The following CACNA1S variants were observed in gnomAD, a reference collection of about 807,000 sequenced individuals.
The protein encoded by CACNA1S is voltage-dependent L-type calcium channel subunit alpha-1S.
CACNA1S carries 126 observed loss-of-function variants against 207.4 expected under a neutral mutation model. The ratio of observed to expected loss-of-function variants is 0.61; its 90% CI spans 0.53 to 0.70. The LOEUF is 0.70. Among genes scored for constraint, CACNA1S ranks in the 30% least tolerant of loss-of-function variants. The pLI is 0.00. For synonymous variants in CACNA1S, 960 were observed against 932.7 expected, an observed-to-expected ratio of 1.03 and a Z score of -0.53; for missense variants, 2,349 against 2,422.8, an observed-to-expected ratio of 0.97 and a Z score of 0.64.
At chr1:201,074,434 C>G (rs1661533214) in intron 14 of CACNA1S, 72 bp downstream of exon 14, 2 of 910,532 alleles carry the variant, frequency 2.2e-6, no homozygotes, top group Non-Finnish European at 3.6e-6. Context: ...TACAGGGAGG[C>G]CCTGTCCAGA....
chr1:201,085,003 A>C lies in CACNA1S; in HGVS notation c.1179T>G (p.Ser393=). Residue 393 remains serine (S), a synonymous_variant, in exon 9 of 44, where the codon TCT becomes TCG. Transcript: ENST00000362061. ...EGKLSLDEGG[S]DTESLYEIAG... ...CAATTTCATACAGGCTCTCTGTGTC[A>C]GAGCCACCTTCATCCAAAGACAGTT... The C allele has an allele frequency of 6.2e-7, 1 of 1,612,454 alleles. No individual in the cohort carries two copies. Among genetic ancestry groups the C allele is most frequent in the South Asian group, 1.1e-5 (1 of 91,064 alleles).
chr1:201,090,035 T>C (rs550339983), intron 5 of CACNA1S, among the ~76,000 whole-genome samples: 3 of 152,376 alleles, frequency 2.0e-5, no homozygotes, highest in Admixed American at 1.3e-4. Flanking sequence ...TCTGATGACA[T>C]CCTGCATCTC....
rs1309387978 is a variant in CACNA1S, at chr1:201,078,001, G to A, written c.1497C>T (p.Phe499=). ...TACCGCTACACACCACGAAGCAGTCGAAGCGGTTGAAGATAGACATGAAGT... is the reference window on the plus strand; with the variant it reads ...TACCGCTACACACCACGAAGCAGTCAAAGCGGTTGAAGATAGACATGAAGT... The part of the protein sequence containing the change: ...RQYFMSIFNR[F]DCFVVCSGIL... The change falls in exon 11 of 44, where the codon TTC becomes TTT. Residue 499 remains phenylalanine (F), a synonymous_variant. Coordinates refer to ENST00000362061, the MANE Select transcript of CACNA1S (RefSeq NM_000069.3). The A allele has an allele frequency of 1.3e-5, 21 of 1,614,030 alleles. No homozygotes were observed. The highest frequency in any genetic ancestry group is 3.3e-5 in the Admixed American group (2 of 60,010).
At chr1:201,092,598 A>C (rs1662278071) in intron 3 of CACNA1S, among the ~76,000 whole-genome samples, 1 of 152,098 alleles carries the variant, frequency 6.6e-6, no homozygotes, top group South Asian at 2.1e-4. Flanking sequence ...TCAAATTTCC[A>C]TTATCCTTTG....
intron 7 of CACNA1S, among the ~76,000 whole-genome samples, chr1:201,086,693 A>AAT (rs764332810): frequency 1.9e-4 from 29 of 152,362 alleles, no homozygotes; most frequent in Non-Finnish European, 3.5e-4. Context: ...TGTATGTTAA[A>AAT]ATATAGTTAT....
chr1:201,073,761 G>A, intron 14 of CACNA1S, 119 bp from the exon 15 acceptor site: 1 of 854,230 alleles, frequency 1.2e-6, no homozygotes, highest in South Asian at 1.3e-5. Context: ...TAGGAGGAGT[G>A]GCATCAGCCC....
chr1:201,069,076 G>A (rs1261710819), intron 19 of CACNA1S, 61 bp downstream of exon 19: 3 of 1,439,812 alleles, frequency 2.1e-6, no homozygotes, highest in African/African-American at 2.8e-5. Context: ...TTCAGTGTGT[G>A]TAAACTGGAG....
intron 11 of CACNA1S, 131 bp downstream of exon 11, chr1:201,077,748 G>C (rs1012867966): frequency 1.1e-5 from 7 of 627,678 alleles, no homozygotes; most frequent in South Asian, 2.0e-5. Flanking sequence ...AAGGAGGGAG[G>C]GAAGTCTGGG....
rs368564115 is a variant in CACNA1S, at chr1:201,074,627, G to A, written c.1949-7C>T. The A allele has an allele frequency of 8.2e-5, 131 of 1,591,108 alleles. No homozygotes were observed. Among genetic ancestry groups the A allele is most frequent in the African/African-American group, 6.2e-4 (46 of 74,652 alleles). On this transcript the variant is annotated splice_region_variant and splice_polypyrimidine_tract_variant and intron_variant, in intron 13 of 43. Coordinates refer to ENST00000362061, the MANE Select transcript of CACNA1S (RefSeq NM_000069.3). ...AAGACATTGAGCAGGATGTCTGAGC[G>A]GGTTTAGCTAAGGAGCCTTTGGTTG...
At position 201,093,920 on chromosome 1, in the gene CACNA1S, AC is replaced by A; in HGVS notation, c.359del (p.Ser120MetfsTer18). On this transcript the variant is annotated frameshift_variant, in exon 3 of 44. Coordinates refer to ENST00000362061, the MANE Select transcript of CACNA1S (RefSeq NM_000069.3). LOFTEE classifies it high-confidence loss of function. ...FLFHQDAYLR[S>X]GWNVLDFTIV... Reference sequence around the variant, plus strand: ...TGGTGAAGTCCAGCACATTCCAGCCACTGCGCAGGTAAGCGTCCTGGTGGAA... The same window carrying A: ...TGGTGAAGTCCAGCACATTCCAGCCATGCGCAGGTAAGCGTCCTGGTGGAA... 1 of 1,614,160 alleles carries A rather than the reference AC, an allele frequency of 6.2e-7. No individual in the cohort carries two copies. Among genetic ancestry groups the A allele is most frequent in the Non-Finnish European group, 8.5e-7 (1 of 1,179,998 alleles).
chr1:201,107,798 C>T (rs1446493941), intron 2 of CACNA1S, among the ~76,000 whole-genome samples: 3 of 152,138 alleles, frequency 2.0e-5, no homozygotes, highest in Non-Finnish European at 4.4e-5. Context: ...GGTGGCTGAG[C>T]GACCTTGGGT....
At chr1:201,069,251 A>G in intron 18 of CACNA1S, 55 bp from the exon 19 acceptor site, 6 of 1,538,682 alleles carry the variant, frequency 3.9e-6, no homozygotes, top group Non-Finnish European at 5.4e-6. Context: ...GGGCAACAGT[A>G]TCAGCAGCAG....
At chr1:201,088,507 T>C (rs146094077) in intron 6 of CACNA1S, among the ~76,000 whole-genome samples, 1 of 152,304 alleles carries the variant, frequency 6.6e-6, no homozygotes, top group East Asian at 1.9e-4. Context: ...TTTGACAGTT[T>C]TACAATCCCC....
Position 201,110,838 on chromosome 1 carries a change from C to T in CACNA1S, c.153-569G>A, listed in dbSNP as rs1663072889. ...CCTCACCCCTCCCAGACACACCCAC[C>T]CCGCCACAGCCATTTCCAGAGGGTA... On this transcript the variant is annotated intron_variant, in intron 1 of 43. Coordinates refer to ENST00000362061, the MANE Select transcript of CACNA1S (RefSeq NM_000069.3). Among the ~76,000 whole-genome samples the T allele has an allele frequency of 2.6e-5, 4 of 152,330 alleles. 1 individual carries two copies. The South Asian group carries it at 8.3e-4, about 32-fold the overall frequency.
chr1:201,059,630 G>T (rs974825916), intron 26 of CACNA1S, among the ~76,000 whole-genome samples: 3 of 152,222 alleles, frequency 2.0e-5, no homozygotes, highest in Non-Finnish European at 4.4e-5. Context: ...GGGAGGACCA[G>T]GATGGCAGGT....
intron 27 of CACNA1S, among the ~76,000 whole-genome samples, chr1:201,058,718 G>C (rs989755272): frequency 6.6e-6 from 1 of 152,178 alleles, no homozygotes; most frequent in African/African-American, 2.4e-5. Flanking sequence ...AGAAAGTAGT[G>C]GTGGGGGGGA....
At chr1:201,111,961 T>TTCCTCCTCCTCCCCCACCC (rs1663125770) in intron 1 of CACNA1S, among the ~76,000 whole-genome samples, 1 of 114,760 alleles carries the variant, frequency 8.7e-6, no homozygotes, top group Non-Finnish European at 1.8e-5. Flanking sequence ...CCTCCTCCTC[T>TTCCTCCTCCTCCCCCACCC]TCCTCCTCCT....
Position 201,066,312 on chromosome 1 carries a change from T to C in CACNA1S, c.2662A>G (p.Ser888Gly), listed in dbSNP as rs201601128. ...VSLISMGLES[S>G]AISVVKILRV... ...AGGATCTTCACCACGGAGATGGCAC[T>C]GGACCTGGGGGGCGGCAATGGTGAG... Residue 888 changes from serine to glycine, a missense_variant, in exon 21 of 44, where the codon AGT becomes GGT. Coordinates refer to ENST00000362061, the MANE Select transcript of CACNA1S (RefSeq NM_000069.3). This position sits in a 1 kb window ranked among gnomAD's most constrained non-coding sequence, Gnocchi z 4.3. 6.2e-7 allele frequency: 1 copy of C among 1,610,818 alleles called. No individual in the cohort carries two copies. The highest frequency in any genetic ancestry group is 2.2e-5 in the East Asian group (1 of 44,862).
At chr1:201,051,657 A>G (rs529407548) in intron 32 of CACNA1S, among the ~76,000 whole-genome samples, 1 of 152,214 alleles carries the variant, frequency 6.6e-6, no homozygotes, top group Non-Finnish European at 1.5e-5. Flanking sequence ...TTTTTCCAGT[A>G]ACTGCTACAA....
Sources: allele counts gnomAD v4.1 joint callset (sites outside exome capture counted in the v4.1 genomes callset), GRCh38; gene constraint gnomAD v4.1.1; non-coding constraint Gnocchi (gnomAD v3.1); transcripts MANE v1.5; gene names NCBI Gene and HGNC (gene_info 2026-07-23, HGNC 2026-07-21).